The following GAN variants were observed in gnomAD, a reference collection of about 807,000 sequenced individuals.
The protein encoded by GAN is gigaxonin, also known as epididymis secretory sperm binding protein.
In GAN, 48 loss-of-function variants were observed where a neutral mutation model predicts 71.3. That is an observed-to-expected ratio of 0.67 (90% CI 0.53 to 0.86). The LOEUF is 0.86. Ranked by LOEUF, GAN falls within the 40% of genes least tolerant of loss-of-function variation. The pLI is 0.00. For missense variants in GAN, 928 were observed against 770.1 expected (o/e 1.21, Z -2.43); for synonymous variants, 386 against 276.8 (o/e 1.39, Z -3.92).
rs942456904 is a variant in GAN, at chr16:81,377,509, A to G, written c.1707A>G (p.Gly569=). The stretch of plus-strand genomic sequence containing the variant: ...TTCCATCCGACCTTCGCCGTACAGG[A>G]TGTGCAGCCTTACGCATTGCGAATT... The part of the protein sequence containing the change: ...PLLPSDLRRT[G]CAALRIANCK... The change falls in exon 11 of 11, where the codon GGA becomes GGG. Residue 569 remains glycine, a synonymous_variant. Coordinates refer to ENST00000648994, the MANE Select transcript of GAN (RefSeq NM_022041.4). The G allele has an allele frequency of 2.5e-6, 4 of 1,614,080 alleles. No individual in the cohort carries two copies. Among genetic ancestry groups the G allele is most frequent in the South Asian group, 1.1e-5 (1 of 91,086 alleles).
intron 1 of GAN, among the ~76,000 whole-genome samples, chr16:81,319,834 G>C (rs1909168230): frequency 6.6e-6 from 1 of 152,142 alleles, no homozygotes; most frequent in Non-Finnish European, 1.5e-5. Flanking sequence ...TGTGAAGTGA[G>C]GTGGTTGGGC....
At chr16:81,376,465 A>ATATGTG (rs1163323814) in intron 9 of GAN, among the ~76,000 whole-genome samples, 1 of 127,162 alleles carries the variant, frequency 7.9e-6, no homozygotes, top group Non-Finnish European at 1.6e-5. Flanking sequence ...ATACATACAT[A>ATATGTG]TGTGTGTGTG....
rs181360581 is a variant in GAN, at chr16:81,347,285, C to T, written c.168-4298C>T. The stretch of plus-strand genomic sequence containing the variant: ...AAACTGTACGGGCAGGAATAGTAGA[C>T]AGGAAATACAGGGAGGAAAGAAAGT... On this transcript the variant is annotated intron_variant, in intron 1 of 10. Coordinates refer to ENST00000648994, the MANE Select transcript of GAN (RefSeq NM_022041.4). Among the ~76,000 whole-genome samples, 61 of 152,242 alleles carry T rather than the reference C, an allele frequency of 4.0e-4. 1 individual carries two copies. Among genetic ancestry groups the T allele is most frequent in the African/African-American group, 1.5e-3 (61 of 41,542 alleles).
At chr16:81,336,616 C>A (rs1909770358) in intron 1 of GAN, among the ~76,000 whole-genome samples, 1 of 149,274 alleles carries the variant, frequency 6.7e-6, no homozygotes, top group South Asian at 2.2e-4. Context: ...GGTGTGCACA[C>A]CACCCCAGTT....
At position 81,382,404 on chromosome 16, in the gene GAN, T is replaced by G. The variant is rs1372322627; in HGVS notation, c.*4808T>G. 6.6e-6 allele frequency: 1 copy of G among 152,254 alleles called. No individual in the cohort carries two copies. Among genetic ancestry groups the G allele is most frequent in the Non-Finnish European group, 1.5e-5 (1 of 68,040 alleles). 9.4% of individuals were successfully genotyped at this position (152,254 alleles called of 1,614,324 possible). On this transcript the variant is annotated 3_prime_UTR_variant, in exon 11 of 11. Transcript: ENST00000648994. The stretch of plus-strand genomic sequence containing the variant: ...CTGAAAGATCTTTGATTTTCTTTGT[T>G]AGTTAGCTATAGGAAGGTTAAGAAT...
At chr16:81,326,745 CTG>C (rs780148954) in intron 1 of GAN, among the ~76,000 whole-genome samples, 24 of 152,304 alleles carry the variant, frequency 1.6e-4, no homozygotes, top group South Asian at 2.1e-4. Flanking sequence ...CAGCATGTGA[CTG>C]TACTGAACAC....
chr16:81,328,634 A>G (rs1597390525), intron 1 of GAN, among the ~76,000 whole-genome samples: 1 of 132,126 alleles, frequency 7.6e-6, no homozygotes, highest in African/African-American at 2.9e-5. Flanking sequence ...TAAAGACCCT[A>G]CCAGTGTGTA....
chr16:81,317,730 T>C (rs773208875), intron 1 of GAN, among the ~76,000 whole-genome samples: 2 of 152,274 alleles, frequency 1.3e-5, no homozygotes, highest in Non-Finnish European at 2.9e-5. Context: ...GCATTACTTG[T>C]ATTTCACCGT....
At chr16:81,376,463 ATATGTGTGTGTG>A (rs1312420188) in intron 9 of GAN, among the ~76,000 whole-genome samples, 4 of 90,062 alleles carry the variant, frequency 4.4e-5, no homozygotes, top group East Asian at 3.8e-4. Context: ...TTATACATAC[ATATGTGTGTGTG>A]TGTGTGTGTG....
intron 2 of GAN, among the ~76,000 whole-genome samples, chr16:81,354,125 A>C (rs1226726273): frequency 6.6e-6 from 1 of 152,204 alleles, no homozygotes; most frequent in Non-Finnish European, 1.5e-5. Flanking sequence ...GAAGTGAACA[A>C]CATGGACAGT....
chr16:81,381,199 C>G lies in GAN; in HGVS notation c.*3603C>G, dbSNP rs1331894985. 6.6e-6 allele frequency: 1 copy of G among 152,164 alleles called. No homozygotes were observed. Among genetic ancestry groups the G allele is most frequent in the Non-Finnish European group, 1.5e-5 (1 of 68,026 alleles). 9.4% of individuals were successfully genotyped at this position (152,164 alleles called of 1,614,324 possible). On this transcript the variant is annotated 3_prime_UTR_variant, in exon 11 of 11. Transcript: ENST00000648994. ...TTAAGTTTCATTTCTAGAGAAATGT[C>G]TTAGCTGCTGTGGTCCATTAGAGTT...
intron 1 of GAN, among the ~76,000 whole-genome samples, chr16:81,347,453 T>C (rs2150681515): frequency 1.3e-5 from 2 of 152,374 alleles, no homozygotes; most frequent in Middle Eastern, 6.8e-3. Flanking sequence ...TTCACCATTA[T>C]TGTGCATCCC....
intron 3 of GAN, among the ~76,000 whole-genome samples, chr16:81,355,353 A>G (rs903210827): frequency 6.6e-6 from 1 of 152,176 alleles, no homozygotes; most frequent in African/African-American, 2.4e-5. Flanking sequence ...GCAAAATCAC[A>G]GGACTTGAGG....
intron 9 of GAN, among the ~76,000 whole-genome samples, chr16:81,370,120 C>T (rs974551293): frequency 3.9e-5 from 6 of 152,192 alleles, no homozygotes. Context: ...CACAGCCTTG[C>T]CTCAGGGCTG....
At chr16:81,319,750 T>C (rs1374473230) in intron 1 of GAN, among the ~76,000 whole-genome samples, 1 of 151,748 alleles carries the variant, frequency 6.6e-6, no homozygotes, top group Non-Finnish European at 1.5e-5. Context: ...CTAGTGAGGA[T>C]AGAATGAGAC....
In GAN at chr16:81,388,992, T is replaced by G. The variant is rs1397625067; in HGVS notation, c.*11396T>G. The G allele has an allele frequency of 6.6e-6, 1 of 152,202 alleles. No individual in the cohort carries two copies. The highest frequency in any genetic ancestry group is 1.5e-5 in the Non-Finnish European group (1 of 68,040). The allele number at this position is 152,202 out of a possible 1,614,324, so 9.4% of individuals were successfully genotyped here. A position where few individuals can be genotyped will look rare whatever the true frequency, so the allele number is the denominator to read the frequency against. ...TTTTATTTTAAAAAATCATGTAGGATCTGGTACATGGGGCGGGCAAAAGGG... is the reference window on the plus strand; with the variant it reads ...TTTTATTTTAAAAAATCATGTAGGAGCTGGTACATGGGGCGGGCAAAAGGG... On this transcript the variant is annotated 3_prime_UTR_variant, in exon 11 of 11. Transcript: ENST00000648994.
intron 4 of GAN, 107 bp downstream of exon 4, chr16:81,357,109 G>T: frequency 2.4e-6 from 2 of 816,640 alleles, no homozygotes; most frequent in East Asian, 2.5e-5. Context: ...AATTACATTT[G>T]ATTTTTTTTT....
chr16:81,369,259 A>T (rs1009484341), intron 9 of GAN, among the ~76,000 whole-genome samples: 9 of 152,208 alleles, frequency 5.9e-5, no homozygotes, highest in Non-Finnish European at 4.4e-5. Context: ...CCACCATGAC[A>T]ACAAGGGCTA....
Position 81,362,559 on chromosome 16 carries a change from A to G in GAN, c.1034A>G (p.Glu345Gly). The G allele has an allele frequency of 6.2e-7, 1 of 1,610,278 alleles. No individual in the cohort carries two copies. The highest frequency in any genetic ancestry group is 8.5e-7 in the Non-Finnish European group (1 of 1,176,456). Residue 345 changes from glutamate to glycine, a missense_variant, in exon 6 of 11, where the codon GAA becomes GGA. Glu to Gly is a moderately conservative substitution (Grantham distance 98). Transcript: ENST00000648994. ...DENKQTLSSG[E>G]KYDPDANTWT... is the part of the protein sequence containing the mutation. ...AATAAGCAGACTCTTAGCTCAGGAG[A>G]AAAGTATGATCCAGATGCAAATACA...
Sources: allele counts gnomAD v4.1 joint callset (sites outside exome capture counted in the v4.1 genomes callset), GRCh38; gene constraint gnomAD v4.1.1; transcripts MANE v1.5; gene names NCBI Gene and HGNC (gene_info 2026-07-23, HGNC 2026-07-21).